DPP6: variants seen among roughly 807,000 people sequenced by gnomAD.
DPP6 encodes the protein dipeptidyl peptidase like 6.
DPP6 carries 69 observed loss-of-function variants against 122.6 expected under a neutral mutation model. The ratio of observed to expected loss-of-function variants is 0.56; its 90% CI spans 0.46 to 0.69. The LOEUF (loss-of-function observed/expected upper bound fraction) is 0.69. Ranked by LOEUF, DPP6 falls within the 30% of genes least tolerant of loss-of-function variation. The pLI, the probability that DPP6 is intolerant of heterozygous loss-of-function variation, is 0.00. For synonymous variants in DPP6, 418 were observed against 433.1 expected (o/e 0.97, Z 0.43); for missense variants, 928 against 1,116.9 (o/e 0.83, Z 2.41).
In DPP6 at chr7:154,525,198, C is replaced by A. The variant is rs547082610; in HGVS notation, c.458-15334C>A. Among the ~76,000 whole-genome samples, 6 of 152,324 alleles carry A rather than the reference C, an allele frequency of 3.9e-5. No homozygotes were observed. The East Asian group carries it at 1.2e-3, about 29-fold the overall frequency. On this transcript the variant is annotated intron_variant, in intron 3 of 25. Coordinates refer to ENST00000377770, the MANE Select transcript of DPP6 (RefSeq NM_130797.4). The stretch of plus-strand genomic sequence containing the variant: ...TCACTCTGTTACCCAAGCTGGAGTG[C>A]GGTGGCACAATCATAGCTCATTGCA...
intron 1 of DPP6, among the ~76,000 whole-genome samples, chr7:154,060,705 C>T (rs376835191): frequency 1.4e-5 from 2 of 146,854 alleles, no homozygotes; most frequent in Admixed American, 6.7e-5. Context: ...GCTGTTAGTA[C>T]CCCCATCGCA....
the DPP6 span, among the ~76,000 whole-genome samples, chr7:153,823,719 C>G: frequency 1.3e-5 from 2 of 151,112 alleles, no homozygotes; most frequent in South Asian, 4.2e-4. Flanking sequence ...TTGTCGTAGC[C>G]GTTACATGAC....
chr7:154,751,471 G>T (rs138807655), intron 8 of DPP6, among the ~76,000 whole-genome samples: 1 of 151,464 alleles, frequency 6.6e-6, no homozygotes, highest in South Asian at 2.1e-4. Context: ...TTAGTCGGGC[G>T]TGGTGGTGGG....
intron 1 of DPP6, among the ~76,000 whole-genome samples, chr7:154,116,836 T>G (rs576378856): frequency 1.3e-5 from 2 of 152,344 alleles, no homozygotes; most frequent in South Asian, 4.1e-4. Flanking sequence ...ATACAATTTT[T>G]TTAAAAGAAA....
chr7:154,735,810 T>G (rs1359547784), intron 8 of DPP6, among the ~76,000 whole-genome samples: 1 of 152,158 alleles, frequency 6.6e-6, no homozygotes, highest in Non-Finnish European at 1.5e-5. Flanking sequence ...AGGAAAACAG[T>G]GTTCTAAGGC....
At chr7:154,252,900 A>T (rs1442669607) in intron 1 of DPP6, among the ~76,000 whole-genome samples, 2 of 152,248 alleles carry the variant, frequency 1.3e-5, no homozygotes, top group African/African-American at 4.8e-5. Flanking sequence ...AGCTCCTTTG[A>T]AAGCTTTCCT....
At chr7:154,234,064 A>G (rs981578883) in intron 1 of DPP6, among the ~76,000 whole-genome samples, 3 of 152,196 alleles carry the variant, frequency 2.0e-5, no homozygotes, top group African/African-American at 7.2e-5. Context: ...TATGGAAAGC[A>G]TATTTGGGGT....
chr7:154,805,893 G>A (rs553697257), intron 15 of DPP6, among the ~76,000 whole-genome samples: 6 of 152,346 alleles, frequency 3.9e-5, no homozygotes, highest in South Asian at 4.1e-4. Flanking sequence ...CACCTGGGCC[G>A]CTGAAGAGGA....
chr7:154,611,597 G>C (rs1470358496), intron 5 of DPP6, among the ~76,000 whole-genome samples: 1 of 152,000 alleles, frequency 6.6e-6, no homozygotes, highest in Non-Finnish European at 1.5e-5. Context: ...AGATATCCTT[G>C]TTTCTAACAA....
intron 1 of DPP6, among the ~76,000 whole-genome samples, chr7:154,099,273 T>C (rs1805568364): frequency 6.6e-6 from 1 of 152,188 alleles, no homozygotes; most frequent in Non-Finnish European, 1.5e-5. Flanking sequence ...CAAATAAATA[T>C]TGATTGAATG....
intron 1 of DPP6, among the ~76,000 whole-genome samples, chr7:154,279,336 G>T (rs1585814079): frequency 6.6e-6 from 1 of 152,224 alleles, no homozygotes; most frequent in East Asian, 1.9e-4. Context: ...TAGGTAGTTT[G>T]GTGTAGGGTT....
chr7:154,245,635 C>CAAAAAAAAAAAAAAAAAA lies in DPP6; in HGVS notation c.243+192589_243+192590insAAAAAAAAAAAAAAAAAA, dbSNP rs71182888. On this transcript the variant is annotated intron_variant, in intron 1 of 25. Transcript: ENST00000377770. ...CTGGGCAACAAGAGTAAGACTGTCT[C>CAAAAAAAAAAAAAAAAAA]AAAAAAAAAAAAAAAAAGCTATGGC... Among the ~76,000 whole-genome samples, 36 of 100,642 alleles carry CAAAAAAAAAAAAAAAAAA rather than the reference C, an allele frequency of 3.6e-4. 1 individual carries two copies. Among genetic ancestry groups the CAAAAAAAAAAAAAAAAAA allele is most frequent in the East Asian group, 1.3e-3 (4 of 3,176 alleles). The allele number at this position is 100,642 out of a possible 152,430, so 66.0% of individuals were successfully genotyped here.
chr7:153,769,951 G>T, the DPP6 span, among the ~76,000 whole-genome samples: 1 of 152,138 alleles, frequency 6.6e-6, no homozygotes, highest in East Asian at 1.9e-4. Flanking sequence ...AGTCCCTGGG[G>T]GCTGCTTCTA....
At chr7:154,015,191 C>T (rs188539978) in intron 1 of DPP6, among the ~76,000 whole-genome samples, 175 of 152,154 alleles carry the variant, frequency 1.2e-3, no homozygotes, top group Non-Finnish European at 2.5e-4. Flanking sequence ...TTTTCAGCCA[C>T]GTTTGATGTA....
At chr7:153,748,896 C>G in the DPP6 span, among the ~76,000 whole-genome samples, 1 of 150,268 alleles carries the variant, frequency 6.7e-6, no homozygotes, top group Non-Finnish European at 1.5e-5. Context: ...ACCCTCCACG[C>G]GCCTAGGAAG....
Position 154,127,652 on chromosome 7 carries a change from G to GACACACAC in DPP6, c.243+74607_243+74614dup, listed in dbSNP as rs66703506. Among the ~76,000 whole-genome samples, 4 of 79,106 alleles carry GACACACAC rather than the reference G, an allele frequency of 5.1e-5. No individual in the cohort carries two copies. In the South Asian group the frequency reaches 1.4e-3, roughly 28 times the overall value. 51.9% of individuals were successfully genotyped at this position (79,106 alleles called of 152,430 possible). ...ACACACAGACACACACACACACACA[G>GACACACAC]ACACACACACACACACACACACACA... is the stretch of plus-strand genomic sequence containing the variant. On this transcript the variant is annotated intron_variant, in intron 1 of 25. Transcript: ENST00000377770.
At chr7:154,832,884 C>T (rs1327251240) in intron 16 of DPP6, among the ~76,000 whole-genome samples, 2 of 152,238 alleles carry the variant, frequency 1.3e-5, no homozygotes, top group Non-Finnish European at 2.9e-5. Context: ...CACACCACAT[C>T]GCCACTGCCA....
At chr7:154,044,651 A>T (rs1206903610) in intron 1 of DPP6, among the ~76,000 whole-genome samples, 2 of 152,196 alleles carry the variant, frequency 1.3e-5, no homozygotes, top group Non-Finnish European at 2.9e-5. Flanking sequence ...CCATTTGTAC[A>T]TGGAAATTTA....
At chr7:153,986,153 C>A (rs1219537641) in intron 1 of DPP6, among the ~76,000 whole-genome samples, 3 of 152,158 alleles carry the variant, frequency 2.0e-5, no homozygotes, top group Non-Finnish European at 2.9e-5. Context: ...AAATTCAAAC[C>A]AAACCCTTTT....
Sources: gnomAD v4.1 joint callset for allele counts (sites outside exome capture counted in the v4.1 genomes callset) on GRCh38, gnomAD v4.1.1 for gene constraint, MANE v1.5 for transcripts, NCBI Gene and HGNC (gene_info 2026-07-23, HGNC 2026-07-21) for gene names.